The following FBXO11 variants were observed in gnomAD, a reference collection of about 807,000 sequenced individuals.
FBXO11 encodes the protein F-box protein 11, also known as F-box only protein 11.
In FBXO11, 13 loss-of-function variants were observed where a neutral mutation model predicts 117.0. That is an observed-to-expected ratio of 0.11 (90% CI 0.07 to 0.18). The LOEUF (loss-of-function observed/expected upper bound fraction) is 0.18. FBXO11 is among the 10% of genes least tolerant of loss of function. The pLI is 1.00. For missense variants in FBXO11, 767 were observed against 1,164.4 expected, an observed-to-expected ratio of 0.66 and a Z score of 4.97; for synonymous variants, 490 against 380.5, an observed-to-expected ratio of 1.29 and a Z score of -3.35.
intron 1 of FBXO11, among the ~76,000 whole-genome samples, chr2:47,861,910 T>G (rs888507537): frequency 6.7e-6 from 1 of 149,734 alleles, no homozygotes; most frequent in African/African-American, 2.4e-5. Context: ...AGGTTAAGTT[T>G]TTTTTTTTTT....
At chr2:47,903,378 T>C (rs1437190712) in intron 1 of FBXO11, among the ~76,000 whole-genome samples, 1 of 152,212 alleles carries the variant, frequency 6.6e-6, no homozygotes, top group East Asian at 1.9e-4. Flanking sequence ...AAATTTCATT[T>C]ACCATTTGGT....
At chr2:47,870,058 C>A (rs898242946) in intron 1 of FBXO11, among the ~76,000 whole-genome samples, 2 of 152,182 alleles carry the variant, frequency 1.3e-5, no homozygotes, top group African/African-American at 4.8e-5. Flanking sequence ...AGTGGAAGAT[C>A]TGAATAAAAC....
At position 47,900,587 on chromosome 2, in the gene FBXO11, TAC is replaced by T. The variant is rs1408752366; in HGVS notation, c.232+4900_232+4901del. Among the ~76,000 whole-genome samples the T allele has an allele frequency of 8.6e-4, 124 of 144,438 alleles. 2 individuals are homozygous for T. Among genetic ancestry groups the T allele is most frequent in the African/African-American group, 3.1e-3 (116 of 37,404 alleles). The allele number at this position is 144,438 out of a possible 152,430, so 94.8% of individuals were successfully genotyped here. A position where few individuals can be genotyped will look rare whatever the true frequency, so the allele number is the denominator to read the frequency against. On this transcript the variant is annotated intron_variant, in intron 1 of 22. Transcript: ENST00000403359. ...ATATACACACGTATACACACATATA[TAC>T]GTATATACACACGTATACACACGTA...
chr2:47,868,192 A>G (rs1021918125), intron 1 of FBXO11, among the ~76,000 whole-genome samples: 5 of 151,230 alleles, frequency 3.3e-5, no homozygotes, highest in Non-Finnish European at 7.4e-5. Context: ...CTGAGGCAGG[A>G]GAATCACTTG....
intron 5 of FBXO11, 109 bp downstream of exon 5, chr2:47,835,763 G>A (rs1314992260): frequency 1.3e-6 from 1 of 765,258 alleles, no homozygotes; most frequent in Non-Finnish European, 1.9e-6. Flanking sequence ...CTCCCAAGGT[G>A]CTGGGATTAC....
chr2:47,893,545 G>A (rs1010388407), intron 1 of FBXO11, among the ~76,000 whole-genome samples: 1 of 152,054 alleles, frequency 6.6e-6, no homozygotes, highest in East Asian at 1.9e-4. Context: ...AGAAGACAAT[G>A]AAAATAAAAC....
At chr2:47,897,721 A>G (rs947447501) in intron 1 of FBXO11, among the ~76,000 whole-genome samples, 2 of 145,502 alleles carry the variant, frequency 1.4e-5, no homozygotes, top group East Asian at 4.1e-4. Context: ...AAAAAAAAAA[A>G]GGAAAAGAAA....
chr2:47,903,803 T>C (rs962660037), intron 1 of FBXO11, among the ~76,000 whole-genome samples: 4 of 152,180 alleles, frequency 2.6e-5, no homozygotes, highest in Admixed American at 6.5e-5. Flanking sequence ...CTGTACTGCA[T>C]ACAGTGGCAA....
intron 16 of FBXO11, among the ~76,000 whole-genome samples, chr2:47,816,068 C>T (rs542480156): frequency 2.6e-5 from 4 of 152,332 alleles, no homozygotes; most frequent in East Asian, 1.9e-4. Flanking sequence ...TGGCCAAGGG[C>T]GGTGAGAACC....
At chr2:47,835,556 C>T (rs778844378) in intron 5 of FBXO11, among the ~76,000 whole-genome samples, 1 of 151,934 alleles carries the variant, frequency 6.6e-6, no homozygotes, top group Non-Finnish European at 1.5e-5. Context: ...TGGAGTGCAG[C>T]AGTGCAATGT....
intron 4 of FBXO11, among the ~76,000 whole-genome samples, chr2:47,836,823 G>A (rs1198999596): frequency 6.6e-6 from 1 of 151,942 alleles, no homozygotes; most frequent in African/African-American, 2.4e-5. Flanking sequence ...CACTCCCGTT[G>A]CCCACACTGG....
At chr2:47,821,571 C>A (rs1253458012) in intron 13 of FBXO11, among the ~76,000 whole-genome samples, 1 of 151,102 alleles carries the variant, frequency 6.6e-6, no homozygotes, top group South Asian at 2.1e-4. Flanking sequence ...GATTGCGCCA[C>A]TGCACTCCAG....
At chr2:47,891,846 T>C (rs1466875518) in intron 1 of FBXO11, among the ~76,000 whole-genome samples, 1 of 152,206 alleles carries the variant, frequency 6.6e-6, no homozygotes, top group Non-Finnish European at 1.5e-5. Flanking sequence ...TTGTGGTTTT[T>C]ATTTGCATTT....
In FBXO11 at chr2:47,808,030, G is replaced by A; in HGVS notation, c.*88C>T. 1.7e-6 allele frequency: 2 copies of A among 1,207,706 alleles called. No homozygotes were observed. Among genetic ancestry groups the A allele is most frequent in the Non-Finnish European group, 2.3e-6 (2 of 851,940 alleles). 74.8% of individuals were successfully genotyped at this position (1,207,706 alleles called of 1,614,324 possible). ...ATTTTTAATACAGTCTCTTCCTGTA[G>A]CATGGGCAAATATTTTAAATCTTCT... On this transcript the variant is annotated 3_prime_UTR_variant, in exon 23 of 23. Coordinates refer to ENST00000403359, the MANE Select transcript of FBXO11 (RefSeq NM_001190274.2).
chr2:47,846,315 A>C (rs1464345065), intron 1 of FBXO11, among the ~76,000 whole-genome samples: 3 of 152,160 alleles, frequency 2.0e-5, no homozygotes, highest in African/African-American at 7.2e-5. Context: ...TAAAAATACA[A>C]AATTAGCCAG....
chr2:47,869,073 G>C (rs1207376708), intron 1 of FBXO11, among the ~76,000 whole-genome samples: 1 of 152,198 alleles, frequency 6.6e-6, no homozygotes, highest in East Asian at 1.9e-4. Flanking sequence ...AAGTTCTACA[G>C]GAGACTGTGT....
chr2:47,841,127 G>C (rs1035843504), intron 1 of FBXO11, among the ~76,000 whole-genome samples: 1 of 151,930 alleles, frequency 6.6e-6, no homozygotes, highest in Non-Finnish European at 1.5e-5. Context: ...GAACCCGGGA[G>C]GCAGAGCTTG....
At chr2:47,869,461 G>T (rs1675451924) in intron 1 of FBXO11, among the ~76,000 whole-genome samples, 1 of 152,158 alleles carries the variant, frequency 6.6e-6, no homozygotes, top group Non-Finnish European at 1.5e-5. Context: ...TGAAATACAG[G>T]AGATCCCCTA....
intron 19 of FBXO11, 41 bp downstream of exon 19, chr2:47,810,275 G>T: frequency 7.5e-7 from 1 of 1,327,654 alleles, no homozygotes; most frequent in Non-Finnish European, 1.1e-6. Context: ...ACACTTTGCA[G>T]AACTATATAT....
Sources: gnomAD v4.1 joint callset for allele counts (sites outside exome capture counted in the v4.1 genomes callset) on GRCh38, gnomAD v4.1.1 for gene constraint, MANE v1.5 for transcripts, NCBI Gene and HGNC (gene_info 2026-07-23, HGNC 2026-07-21) for gene names.